ADAMTS9: variants seen among roughly 807,000 people sequenced by gnomAD.
ADAMTS9 encodes A disintegrin and metalloproteinase with thrombospondin motifs 9.
ADAMTS9 carries 107 observed loss-of-function variants against 257.1 expected under a neutral mutation model. The observed-to-expected ratio is 0.42, with a 90% CI of 0.36 to 0.49. ADAMTS9 has a LOEUF of 0.49. Among genes scored for constraint, ADAMTS9 ranks in the 20% least tolerant of loss-of-function variants. The pLI is 0.03. For synonymous variants in ADAMTS9, 982 were observed against 880.9 expected, an observed-to-expected ratio of 1.11 and a Z score of -2.03; for missense variants, 2,353 against 2,469.1, an observed-to-expected ratio of 0.95 and a Z score of 1.00.
At chr3:64,522,385 A>C (rs2082864683) in intron 38 of ADAMTS9, 125 bp from the exon 39 acceptor site, 1 of 770,354 alleles carries the variant, frequency 1.3e-6, no homozygotes, top group Non-Finnish European at 2.1e-6. Flanking sequence ...GTGAAGCCCA[A>C]CATACTCACC....
At chr3:64,680,460 C>CT (rs1701725035) in intron 3 of ADAMTS9, among the ~76,000 whole-genome samples, 1 of 152,146 alleles carries the variant, frequency 6.6e-6, no homozygotes, top group East Asian at 1.9e-4. Flanking sequence ...AGTAACCAGG[C>CT]TTCTGAGGCA....
intron 39 of ADAMTS9, among the ~76,000 whole-genome samples, chr3:64,518,046 G>C (rs2082802707): frequency 6.6e-6 from 1 of 152,200 alleles, no homozygotes; most frequent in Non-Finnish European, 1.5e-5. Context: ...TGCATGCTAG[G>C]AGATGAGTGT....
intron 10 of ADAMTS9, among the ~76,000 whole-genome samples, chr3:64,648,735 T>C (rs9861153): frequency 0.3 from 45,512 of 152,012 alleles, 6,903 homozygotes; most frequent in Admixed American, 0.32. Context: ...TATCTTGTTA[T>C]CTTAACTTAA....
At position 64,541,979 on chromosome 3, in the gene ADAMTS9, C is replaced by T. The variant is rs371242609; in HGVS notation, c.5065-9G>A. 1.9e-6 allele frequency: 3 copies of T among 1,613,928 alleles called. No homozygotes were observed. Among genetic ancestry groups the T allele is most frequent in the Non-Finnish European group, 2.5e-6 (3 of 1,179,912 alleles). On this transcript the variant is annotated splice_polypyrimidine_tract_variant and intron_variant, in intron 32 of 39. Transcript: ENST00000498707. ...CCACAAGACACTGAGCACTGTAAGA[C>T]AAATGAGAGTCAGCGGTGTGGCTAT...
At position 64,533,376 on chromosome 3, in the gene ADAMTS9, T is replaced by C. The variant is rs1287988603; in HGVS notation, c.5614-106A>G. ...AGGTACTTTGGAAAAGAGAAGGATG[T>C]TGATTAATTGTGATAGCTACTAATT... On this transcript the variant is annotated intron_variant, in intron 37 of 39. Coordinates refer to ENST00000498707, the MANE Select transcript of ADAMTS9 (RefSeq NM_182920.2). The C allele has an allele frequency of 4.6e-6, 4 of 861,388 alleles. No individual in the cohort carries two copies. The African/African-American group carries it at 6.7e-5, about 14-fold the overall frequency. The allele number at this position is 861,388 out of a possible 1,614,324, so 53.4% of individuals were successfully genotyped here.
chr3:64,686,521 C>A lies in ADAMTS9; in HGVS notation c.516+47G>T. On this transcript the variant is annotated intron_variant, in intron 2 of 39. Coordinates refer to ENST00000498707, the MANE Select transcript of ADAMTS9 (RefSeq NM_182920.2). The surrounding 1 kb of genome is among the most constrained non-coding windows in gnomAD (Gnocchi z 4.6). ...AGAGGACAATTAAGTCTTCTAGAAG[C>A]GGGCGAGGAGGCGGAAGGGGAGAGG... The A allele has an allele frequency of 6.5e-7, 1 of 1,529,804 alleles. No individual in the cohort carries two copies. Among genetic ancestry groups the A allele is most frequent in the Non-Finnish European group, 8.8e-7 (1 of 1,136,592 alleles). 94.8% of individuals were successfully genotyped at this position (1,529,804 alleles called of 1,614,324 possible). A position where few individuals can be genotyped will look rare whatever the true frequency, so the allele number is the denominator to read the frequency against.
At chr3:64,616,830 G>A (rs561055088) in intron 19 of ADAMTS9, among the ~76,000 whole-genome samples, 34 of 152,142 alleles carry the variant, frequency 2.2e-4, no homozygotes, top group Non-Finnish European at 4.0e-4. Context: ...TGATTTCCTT[G>A]TACTCTTCAT....
Position 64,601,945 on chromosome 3 carries a change from G to A in ADAMTS9, c.4016C>T (p.Ala1339Val), listed in dbSNP as rs1359753625. ...GNQWRTGPWGACSSTCAGGSQ... is the reference protein window; with the variant it reads ...GNQWRTGPWGVCSSTCAGGSQ... ...AAGCAAACTTCAGGGAATACTCACT[G>A]CTCCCCAGGGGCCAGTTCTCCACTG... Residue 1339 changes from alanine to valine, a missense_variant and splice_region_variant, in exon 26 of 40, where the codon GCA becomes GTA. Ala to Val is a moderately conservative substitution (Grantham distance 64). Coordinates refer to ENST00000498707, the MANE Select transcript of ADAMTS9 (RefSeq NM_182920.2). The A allele has an allele frequency of 6.3e-7, 1 of 1,596,314 alleles. No homozygotes were observed.
intron 12 of ADAMTS9, among the ~76,000 whole-genome samples, chr3:64,635,412 G>A (rs1379560006): frequency 2.0e-5 from 3 of 152,154 alleles, no homozygotes; most frequent in Non-Finnish European, 4.4e-5. Flanking sequence ...CAAGAAGTCT[G>A]ATCAACATTC....
chr3:64,593,389 A>G (rs556306959), intron 28 of ADAMTS9, among the ~76,000 whole-genome samples: 2 of 152,304 alleles, frequency 1.3e-5, no homozygotes, highest in South Asian at 4.1e-4. Flanking sequence ...TTAATACAAT[A>G]CTAAATTCAG....
At chr3:64,597,142 T>C in intron 26 of ADAMTS9, 151 bp from the exon 27 acceptor site, 1 of 1,005,650 alleles carries the variant, frequency 9.9e-7, no homozygotes, top group Non-Finnish European at 1.4e-6. Context: ...CCCAAGAACT[T>C]CCCCACTGTG....
intron 2 of ADAMTS9, among the ~76,000 whole-genome samples, chr3:64,684,302 C>A (rs186394724): frequency 2.6e-5 from 4 of 151,178 alleles, no homozygotes; most frequent in African/African-American, 7.3e-5. Context: ...AAAAGTGAAG[C>A]GGGATAGATT....
At chr3:64,594,837 A>C (rs2084333131) in intron 27 of ADAMTS9, among the ~76,000 whole-genome samples, 1 of 152,132 alleles carries the variant, frequency 6.6e-6, no homozygotes, top group Non-Finnish European at 1.5e-5. Context: ...TCCAGGCTGG[A>C]ATGCAGTGGC....
intron 29 of ADAMTS9, among the ~76,000 whole-genome samples, chr3:64,567,839 C>G (rs1376536193): frequency 6.6e-6 from 1 of 152,022 alleles, no homozygotes; most frequent in Admixed American, 6.6e-5. Flanking sequence ...GTAGTAGGCT[C>G]AGGAAAATTA....
At chr3:64,650,994 C>G in intron 9 of ADAMTS9, 23 bp downstream of exon 9, 2 of 1,585,266 alleles carry the variant, frequency 1.3e-6, no homozygotes, top group Non-Finnish European at 1.7e-6. Flanking sequence ...GAAGTTTGTG[C>G]TAAAAGAATG....
At position 64,687,032 on chromosome 3, in the gene ADAMTS9, C is replaced by T. The variant is rs1701931580; in HGVS notation, c.116-64G>A. ...TTTTTCCTTAAGCTTTAATTTAAAA[C>T]GAAGGTGGGGACTTTGTTCTGACCT... On this transcript the variant is annotated intron_variant, in intron 1 of 39. Coordinates refer to ENST00000498707, the MANE Select transcript of ADAMTS9 (RefSeq NM_182920.2). The surrounding 1 kb of genome is among the most constrained non-coding windows in gnomAD (Gnocchi z 4.4). The T allele has an allele frequency of 5.8e-6, 9 of 1,540,894 alleles. No individual in the cohort carries two copies. The South Asian group carries it at 6.4e-5, about 11-fold the overall frequency.
At chr3:64,661,621 C>T (rs958066702) in intron 3 of ADAMTS9, among the ~76,000 whole-genome samples, 4 of 152,094 alleles carry the variant, frequency 2.6e-5, no homozygotes, top group South Asian at 2.1e-4. Flanking sequence ...TCAACAGCTA[C>T]GGTTTGAAAT....
intron 22 of ADAMTS9, among the ~76,000 whole-genome samples, chr3:64,608,258 C>CAAAAAAAAAAAAAAAAACAAAAAA (rs2084596606): frequency 1.9e-5 from 1 of 53,318 alleles, no homozygotes; most frequent in African/African-American, 6.7e-5. Context: ...AAACTAAAAC[C>CAAAAAAAAAAAAAAAAACAAAAAA]AAAAAAAAAA....
intron 29 of ADAMTS9, among the ~76,000 whole-genome samples, chr3:64,566,520 G>T (rs1559767395): frequency 6.6e-6 from 1 of 152,006 alleles, no homozygotes; most frequent in Non-Finnish European, 1.5e-5. Context: ...CCTTATGTTG[G>T]CAAAAACCCC....
Sources: gnomAD v4.1 joint callset for allele counts (sites outside exome capture counted in the v4.1 genomes callset) on GRCh38, gnomAD v4.1.1 for gene constraint, Gnocchi (gnomAD v3.1) non-coding constraint, MANE v1.5 for transcripts, NCBI Gene and HGNC (gene_info 2026-07-23, HGNC 2026-07-21) for gene names.